NFIB: variants seen among roughly 807,000 people sequenced by gnomAD.
The protein encoded by NFIB is nuclear factor 1 B-type.
Under a neutral mutation model 61.5 loss-of-function variants are expected in NFIB, and 11 were observed. That is an observed-to-expected ratio of 0.18 (90% confidence interval 0.11 to 0.30). NFIB has a LOEUF of 0.30. Ranked by LOEUF, NFIB falls within the 10% of genes least tolerant of loss-of-function variation. NFIB has a pLI of 1.00. For missense variants in NFIB, 471 were observed against 608.9 expected (o/e 0.77, Z 2.38); for synonymous variants, 260 against 216.5 (o/e 1.20, Z -1.76).
At chr9:14,409,547 A>G in the NFIB span, among the ~76,000 whole-genome samples, 9 of 152,214 alleles carry the variant, frequency 5.9e-5, no homozygotes, top group African/African-American at 2.2e-4. Context: ...GAGTACTTCT[A>G]GGGTTAGAGA....
At chr9:14,462,346 G>A in the NFIB span, among the ~76,000 whole-genome samples, 2 of 150,838 alleles carry the variant, frequency 1.3e-5, no homozygotes, top group African/African-American at 4.9e-5. Flanking sequence ...GCAGTGGCGC[G>A]ATCTTGGCTC....
In NFIB at chr9:14,231,135, A is replaced by AAAAT. The variant is rs55959148; in HGVS notation, c.563-51356_563-51355insATTT. On this transcript the variant is annotated intron_variant, in intron 2 of 10. Transcript: ENST00000380953. The stretch of plus-strand genomic sequence containing the variant: ...TTTCCATGGGGAAAAAAAAAAAAAA[A>AAAAT]ATATATATATATATATATATATATA... Among the ~76,000 whole-genome samples the AAAAT allele has an allele frequency of 2.5e-3, 87 of 35,334 alleles. 2 individuals carry two copies. The highest frequency in any genetic ancestry group is 7.5e-3 in the African/African-American group (74 of 9,900). 23.2% of individuals were successfully genotyped at this position (35,334 alleles called of 152,430 possible). A position where few individuals can be genotyped will look rare whatever the true frequency, so the allele number is the denominator to read the frequency against.
chr9:14,396,161 GGTTT>G lies in NFIB; in HGVS notation c.108+2359_108+2362del, dbSNP rs375301676. ...CTTTTAATGTATTTGATAATTAGTT[GGTTT>G]ATGTTTTTTTCACCATTTTTCTCCC... On this transcript the variant is annotated intron_variant, in intron 1 of 8. Coordinates refer to the NFIB transcript ENST00000380934. Among the ~76,000 whole-genome samples the G allele has an allele frequency of 1.5e-3, 235 of 151,678 alleles. 1 individual carries two copies. Among genetic ancestry groups the G allele is most frequent in the African/African-American group, 5.3e-3 (220 of 41,356 alleles).
chr9:14,294,300 A>G (rs2059283309), intron 2 of NFIB, among the ~76,000 whole-genome samples: 1 of 152,256 alleles, frequency 6.6e-6, no homozygotes, highest in Non-Finnish European at 1.5e-5. Flanking sequence ...ATGCTTTACC[A>G]TCAGGAATAA....
chr9:14,372,739 C>T lies in NFIB; in HGVS notation c.108+25785G>A, dbSNP rs543728741. On this transcript the variant is annotated intron_variant, in intron 1 of 8. Coordinates refer to the NFIB transcript ENST00000380934. ...GGTGCCCTGCTTAATTATAAAATGG[C>T]ATTGCAGTGTCCCTTTGAGTTGGCT... Among the ~76,000 whole-genome samples the T allele has an allele frequency of 1.1e-4, 16 of 152,240 alleles. No individual in the cohort carries two copies. The South Asian group carries it at 3.1e-3, about 30-fold the overall frequency.
At chr9:14,315,512 G>A (rs2060501751), upstream of NFIB, among the ~76,000 whole-genome samples, 1 of 144,556 alleles carries the variant, frequency 6.9e-6, no homozygotes, top group African/African-American at 2.5e-5. Context: ...GGGTGCAGGC[G>A]GGGCGGGGCC....
chr9:14,380,992 C>T (rs2061481640), intron 1 of NFIB, among the ~76,000 whole-genome samples: 1 of 144,914 alleles, frequency 6.9e-6, no homozygotes, highest in Non-Finnish European at 1.5e-5. Flanking sequence ...ATCTGATTTC[C>T]TGTTCCGGGA....
chr9:14,373,012 T>G (rs1031538396), intron 1 of NFIB, among the ~76,000 whole-genome samples: 1 of 152,160 alleles, frequency 6.6e-6, no homozygotes, highest in Non-Finnish European at 1.5e-5. Context: ...GATTCCAGAA[T>G]GACTCACACT....
the NFIB span, among the ~76,000 whole-genome samples, chr9:14,467,484 C>T: frequency 1.3e-5 from 2 of 152,118 alleles, no homozygotes; most frequent in Non-Finnish European, 2.9e-5. Flanking sequence ...AACTAAGCCA[C>T]CTGTGACTGC....
At chr9:14,225,770 C>A (rs2052321587) in intron 2 of NFIB, among the ~76,000 whole-genome samples, 1 of 151,644 alleles carries the variant, frequency 6.6e-6, no homozygotes. Context: ...TCCAGAAGAG[C>A]CAAAAGAAAA....
intron 1 of NFIB, among the ~76,000 whole-genome samples, chr9:14,320,101 C>G (rs1257374601): frequency 2.0e-5 from 3 of 152,198 alleles, no homozygotes; most frequent in Non-Finnish European, 4.4e-5. Context: ...TGCTGCTGTT[C>G]AGTCTGACCA....
At chr9:14,417,907 G>C in the NFIB span, among the ~76,000 whole-genome samples, 1 of 150,770 alleles carries the variant, frequency 6.6e-6, no homozygotes, top group East Asian at 2.0e-4. Context: ...CAGCCTCCCG[G>C]GTAGCTGGGA....
chr9:14,461,171 AT>A, the NFIB span, among the ~76,000 whole-genome samples: 1 of 152,010 alleles, frequency 6.6e-6, no homozygotes. Context: ...CTGATGCTTC[AT>A]TTTTTTATCC....
intron 2 of NFIB, among the ~76,000 whole-genome samples, chr9:14,288,392 C>T (rs1020504610): frequency 6.6e-6 from 1 of 152,038 alleles, no homozygotes; most frequent in Admixed American, 6.6e-5. Context: ...AATATTTTGG[C>T]ATCTGTGTTA....
intron 1 of NFIB, among the ~76,000 whole-genome samples, chr9:14,330,208 G>A (rs1464013784): frequency 6.6e-6 from 1 of 152,074 alleles, no homozygotes; most frequent in African/African-American, 2.4e-5. Flanking sequence ...TCACTTTATG[G>A]GGATAACATC....
rs2032278355 is a variant in NFIB at position 14,083,090 on chromosome 9, T to C, written c.*5219A>G. On this transcript the variant is annotated 3_prime_UTR_variant, in exon 11 of 11. Coordinates refer to ENST00000380953, the MANE Select transcript of NFIB (RefSeq NM_001190737.2). Reference sequence around the variant, plus strand: ...TAGAGTATTAACTAGTGAACCCTTTTATTATTAAAAAAAAAAAAAAACTAC... The same window carrying C: ...TAGAGTATTAACTAGTGAACCCTTTCATTATTAAAAAAAAAAAAAAACTAC... The C allele has an allele frequency of 1.2e-5, 1 of 84,284 alleles. No homozygotes were observed. Among genetic ancestry groups the C allele is most frequent in the Admixed American group, 2.5e-4 (1 of 3,984 alleles). 5.2% of individuals were successfully genotyped at this position (84,284 alleles called of 1,614,324 possible).
intron 1 of NFIB, among the ~76,000 whole-genome samples, chr9:14,346,290 A>ACCCCCCCCCCCCCCCC (rs67699489): frequency 2.3e-5 from 2 of 88,394 alleles, no homozygotes; most frequent in African/African-American, 3.5e-5. Flanking sequence ...GGTAACCGAC[A>ACCCCCCCCCCCCCCCC]CCCCCCCCCC....
intron 2 of NFIB, among the ~76,000 whole-genome samples, chr9:14,299,854 T>G (rs10756543): frequency 0.94 from 142,506 of 152,242 alleles, 67,019 homozygotes; most frequent in Non-Finnish European, 0.98. Flanking sequence ...CAATTAAATT[T>G]TGAAGGTTTT....
chr9:14,358,088 T>C (rs1340328878), intron 1 of NFIB, among the ~76,000 whole-genome samples: 5 of 152,122 alleles, frequency 3.3e-5, no homozygotes, highest in Non-Finnish European at 5.9e-5. Flanking sequence ...TGTGCAACTT[T>C]GTGATTTTGT....
Sources: allele counts gnomAD v4.1 joint callset (sites outside exome capture counted in the v4.1 genomes callset), GRCh38; gene constraint gnomAD v4.1.1; transcripts MANE v1.5; gene names NCBI Gene and HGNC (gene_info 2026-07-23, HGNC 2026-07-21).